MPP7: variants seen among roughly 807,000 people sequenced by gnomAD.
MPP7 encodes MAGUK p55 subfamily member 7.
In MPP7, 60 loss-of-function variants were observed where a neutral mutation model predicts 76.5. The observed-to-expected ratio is 0.78, with a 90% CI of 0.64 to 0.97. The LOEUF is 0.97. Ranked by LOEUF, MPP7 falls within the 50% of genes least tolerant of loss-of-function variation. The pLI is 0.00. For synonymous variants in MPP7, 237 were observed against 244.5 expected, an observed-to-expected ratio of 0.97 and a Z score of 0.29; for missense variants, 641 against 694.0, an observed-to-expected ratio of 0.92 and a Z score of 0.86.
intron 8 of MPP7, among the ~76,000 whole-genome samples, chr10:28,123,774 A>G (rs1834920013): frequency 6.6e-6 from 1 of 152,002 alleles, no homozygotes; most frequent in Admixed American, 6.6e-5. Flanking sequence ...ACTCGGCCCT[A>G]AAACTCTTTA....
At position 28,202,231 on chromosome 10, in the gene MPP7, CTG is replaced by C. The variant is rs775651049; in HGVS notation, c.76_77del (p.Gln26AlafsTer5). The C allele has an allele frequency of 1.2e-6, 2 of 1,613,668 alleles. No homozygotes were observed. The highest frequency in any genetic ancestry group is 2.2e-5 in the East Asian group (1 of 44,868). On this transcript the variant is annotated frameshift_variant, in exon 3 of 17. Coordinates refer to ENST00000683449, the MANE Select transcript of MPP7 (RefSeq NM_001318170.2). LOFTEE classifies it high-confidence loss of function. Reference sequence around the variant, plus strand: ...GGTCTTCCTGGCTATCCACATGTGGCTGCAGCTGGGCTGGCAGAGCAGCCAAC... The same window carrying C: ...GGTCTTCCTGGCTATCCACATGTGGCCAGCTGGGCTGGCAGAGCAGCCAAC... ...ELLAALPAQL[Q>X]PHVDSQEDLT...
At chr10:28,067,325 G>A (rs1852032462) in intron 13 of MPP7, among the ~76,000 whole-genome samples, 1 of 152,118 alleles carries the variant, frequency 6.6e-6, no homozygotes, top group Admixed American at 6.6e-5. Flanking sequence ...ATTTTACAAA[G>A]CAAAACTACC....
chr10:28,299,443 T>C (rs760114133), intron 1 of MPP7, among the ~76,000 whole-genome samples: 1 of 152,152 alleles, frequency 6.6e-6, no homozygotes, highest in African/African-American at 2.4e-5. Flanking sequence ...CCATATTATA[T>C]AGGTGCAGTT....
At chr10:28,302,006 C>T (rs1427015060) in intron 1 of MPP7, among the ~76,000 whole-genome samples, 6 of 152,206 alleles carry the variant, frequency 3.9e-5, no homozygotes, top group Non-Finnish European at 7.3e-5. Flanking sequence ...GCCTGACTAG[C>T]AGGTGCATCC....
chr10:28,327,248 A>C (rs1197733194), intron 2 of MPP7, among the ~76,000 whole-genome samples: 1 of 151,848 alleles, frequency 6.6e-6, no homozygotes, highest in African/African-American at 2.4e-5. Context: ...AAAAAAAAAA[A>C]AAAAAAAAGT....
intron 11 of MPP7, among the ~76,000 whole-genome samples, chr10:28,092,131 G>T (rs1853336341): frequency 1.3e-5 from 2 of 152,170 alleles, no homozygotes; most frequent in Admixed American, 1.3e-4. Context: ...CTCACCTTAT[G>T]GATTCAGAGT....
At chr10:28,197,512 G>A (rs1239559222) in intron 3 of MPP7, among the ~76,000 whole-genome samples, 2 of 152,074 alleles carry the variant, frequency 1.3e-5, no homozygotes, top group Non-Finnish European at 2.9e-5. Context: ...ACCGAATGCA[G>A]GTTCCAACTT....
rs549909102 is a variant in MPP7 at position 28,292,178 on chromosome 10, T to C, written c.-132+10683A>G. 2.0e-5 allele frequency among the ~76,000 whole-genome samples: 3 copies of C among 152,388 alleles called. No individual in the cohort carries two copies. In the East Asian group the frequency reaches 5.8e-4, roughly 29 times the overall value. On this transcript the variant is annotated intron_variant, in intron 1 of 16. Transcript: ENST00000683449. ...GGTTTGTAGCCTAGGAGCAACGGGC[T>C]ATACCATATAACCTAGGTGTGTAGT... is the stretch of plus-strand genomic sequence containing the variant.
chr10:28,326,794 G>A (rs930365388), intron 2 of MPP7, among the ~76,000 whole-genome samples: 3 of 152,182 alleles, frequency 2.0e-5, no homozygotes, highest in African/African-American at 7.2e-5. Context: ...ACATTGCCAG[G>A]GTACATGCCA....
Position 28,052,065 on chromosome 10 carries a change from T to A in MPP7, c.*2000A>T, listed in dbSNP as rs1468224308. ...CACCACCAAAAAAGGACTCAGTTTC[T>A]CCCACTTTACACTATATCTCTGTCC... On this transcript the variant is annotated 3_prime_UTR_variant, in exon 17 of 17. Coordinates refer to ENST00000683449, the MANE Select transcript of MPP7 (RefSeq NM_001318170.2). 1 of 152,140 alleles carries A rather than the reference T, an allele frequency of 6.6e-6. No individual in the cohort carries two copies. The highest frequency in any genetic ancestry group is 1.5e-5 in the Non-Finnish European group (1 of 68,028). The allele number at this position is 152,140 out of a possible 1,614,324, so 9.4% of individuals were successfully genotyped here.
rs34101738 is a variant in MPP7 at position 28,129,587 on chromosome 10, CA to C, written c.447+1972del. Among the ~76,000 whole-genome samples, 899 of 109,096 alleles carry C rather than the reference CA, an allele frequency of 8.2e-3. 3 individuals are homozygous for C. Among genetic ancestry groups the C allele is most frequent in the African/African-American group, 0.024 (689 of 28,250 alleles). 71.6% of individuals were successfully genotyped at this position (109,096 alleles called of 152,430 possible). A position where few individuals can be genotyped will look rare whatever the true frequency, so the allele number is the denominator to read the frequency against. ...TGGGCAACAGAGTGAGACTCCGTCT[CA>C]AAAAAAAAAAAAAAATTTACTTTAT... On this transcript the variant is annotated intron_variant, in intron 6 of 16. Transcript: ENST00000683449.
chr10:28,227,831 T>G (rs975441091), intron 2 of MPP7, among the ~76,000 whole-genome samples: 1 of 152,244 alleles, frequency 6.6e-6, no homozygotes, highest in African/African-American at 2.4e-5. Context: ...TTTGGGTATA[T>G]ACCCAGTAAT....
At chr10:28,197,821 C>G (rs1206624015) in intron 3 of MPP7, among the ~76,000 whole-genome samples, 1 of 152,030 alleles carries the variant, frequency 6.6e-6, no homozygotes, top group Non-Finnish European at 1.5e-5. Context: ...TGATGGATAC[C>G]CCATTTACCC....
intron 3 of MPP7, among the ~76,000 whole-genome samples, chr10:28,173,703 G>A (rs560102764): frequency 1.3e-5 from 2 of 152,174 alleles, no homozygotes; most frequent in African/African-American, 4.8e-5. Flanking sequence ...TTCTTAAGTA[G>A]CAAATATTTA....
chr10:28,177,997 T>C (rs1195278159), intron 3 of MPP7, among the ~76,000 whole-genome samples: 2 of 152,058 alleles, frequency 1.3e-5, no homozygotes, highest in African/African-American at 4.8e-5. Flanking sequence ...TGGAGAAAAA[T>C]GGCTCTTTAT....
intron 3 of MPP7, among the ~76,000 whole-genome samples, chr10:28,166,757 G>A (rs76826800): frequency 0.12 from 18,005 of 152,076 alleles, 1,717 homozygotes; most frequent in African/African-American, 0.26. Context: ...TTGTGTGAAT[G>A]TTTCAACAAT....
chr10:28,086,905 G>A (rs1231359157), intron 12 of MPP7, among the ~76,000 whole-genome samples: 1 of 152,184 alleles, frequency 6.6e-6, no homozygotes, highest in East Asian at 1.9e-4. Flanking sequence ...AAACCAGGCA[G>A]AGTGTAGATG....
chr10:28,164,226 G>T (rs1009572017), intron 3 of MPP7, among the ~76,000 whole-genome samples: 3 of 152,176 alleles, frequency 2.0e-5, no homozygotes, highest in African/African-American at 7.2e-5. Context: ...GAGAAGGGAA[G>T]CAGGGTGGAG....
At chr10:28,091,389 G>A (rs1415796455) in intron 11 of MPP7, among the ~76,000 whole-genome samples, 12 of 151,514 alleles carry the variant, frequency 7.9e-5, no homozygotes, top group Admixed American at 7.9e-4. Context: ...CTGGGTTGAA[G>A]TGATTCCCCT....
Sources: gnomAD v4.1 joint callset for allele counts (sites outside exome capture counted in the v4.1 genomes callset) on GRCh38, gnomAD v4.1.1 for gene constraint, MANE v1.5 for transcripts, NCBI Gene and HGNC (gene_info 2026-07-23, HGNC 2026-07-21) for gene names.